The following UNC79 variants were observed in gnomAD, a reference collection of about 807,000 sequenced individuals.
UNC79 encodes protein unc-79 homolog.
In UNC79, 37 loss-of-function variants were observed where a neutral mutation model predicts 283.1. The observed-to-expected ratio is 0.13, with a 90% CI of 0.10 to 0.17. The LOEUF (loss-of-function observed/expected upper bound fraction) is 0.17, where lower values mean the gene tolerates loss of function less well. Ranked by LOEUF, UNC79 falls within the 10% of genes least tolerant of loss-of-function variation. The pLI is 1.00. For missense variants in UNC79, 2,272 were observed against 3,211.1 expected, an observed-to-expected ratio of 0.71 and a Z score of 7.07; for synonymous variants, 1,107 against 1,200.2, an observed-to-expected ratio of 0.92 and a Z score of 1.61.
At chr14:93,429,666 A>G (rs546490694), upstream of UNC79, among the ~76,000 whole-genome samples, 4 of 152,356 alleles carry the variant, frequency 2.6e-5, no homozygotes, top group African/African-American at 9.6e-5. Flanking sequence ...ACATTGATTT[A>G]TCAGCATTAA....
At chr14:93,608,139 T>A (rs999737121) in intron 26 of UNC79, among the ~76,000 whole-genome samples, 12 of 152,162 alleles carry the variant, frequency 7.9e-5, no homozygotes, top group Admixed American at 2.0e-4. Context: ...GGATCAGAGG[T>A]GTGTGCCACA....
chr14:93,458,734 T>C (rs932265096), intron 1 of UNC79, among the ~76,000 whole-genome samples: 1 of 152,206 alleles, frequency 6.6e-6, no homozygotes, highest in African/African-American at 2.4e-5. Context: ...ATTTAAACTT[T>C]CAATTCATTT....
intron 1 of UNC79, among the ~76,000 whole-genome samples, chr14:93,340,498 T>A (rs1458807159): frequency 6.7e-6 from 1 of 149,668 alleles, no homozygotes; most frequent in East Asian, 2.0e-4. Context: ...GCCAAAACTC[T>A]GTGATTAGTA....
intron 30 of UNC79, among the ~76,000 whole-genome samples, chr14:93,624,455 T>G (rs1167814643): frequency 6.6e-6 from 1 of 151,934 alleles, no homozygotes; most frequent in Non-Finnish European, 1.5e-5. Flanking sequence ...ATGATAGAGG[T>G]CTATAGGGCT....
At chr14:93,408,912 A>G (rs187809886) in intron 1 of UNC79, among the ~76,000 whole-genome samples, 1 of 152,366 alleles carries the variant, frequency 6.6e-6, no homozygotes, top group Non-Finnish European at 1.5e-5. Context: ...ACTCTTAGCT[A>G]AATATGATAG....
chr14:93,360,607 CAG>C (rs1302136335), intron 1 of UNC79, among the ~76,000 whole-genome samples: 1 of 152,230 alleles, frequency 6.6e-6, no homozygotes, highest in East Asian at 1.9e-4. Flanking sequence ...TTCACTACCT[CAG>C]GGGTATATCA....
chr14:93,483,801 G>A (rs916468691), intron 4 of UNC79, among the ~76,000 whole-genome samples: 1 of 151,004 alleles, frequency 6.6e-6, no homozygotes, highest in Non-Finnish European at 1.5e-5. Context: ...TTGGTTTTCT[G>A]TCCTTGCGAT....
At chr14:93,702,707 C>A (rs2075618535) in intron 47 of UNC79, among the ~76,000 whole-genome samples, 2 of 152,208 alleles carry the variant, frequency 1.3e-5, no homozygotes, top group Admixed American at 1.3e-4. Context: ...ACATCAGTGT[C>A]CCCCAGTTTG....
chr14:93,622,891 T>A (rs1339272913), intron 30 of UNC79, 50 bp downstream of exon 32: 3 of 1,577,676 alleles, frequency 1.9e-6, no homozygotes, highest in African/African-American at 2.7e-5. Context: ...AGTTTGTGCA[T>A]CTTGTTTGAT....
chr14:93,596,863 G>A (rs2065121592), intron 23 of UNC79, among the ~76,000 whole-genome samples: 1 of 152,118 alleles, frequency 6.6e-6, no homozygotes, highest in African/African-American at 2.4e-5. Flanking sequence ...AGAAATACCT[G>A]GCTTCGATAG....
intron 42 of UNC79, among the ~76,000 whole-genome samples, chr14:93,685,635 G>C (rs1053822985): frequency 6.6e-6 from 1 of 152,176 alleles, no homozygotes; most frequent in Non-Finnish European, 1.5e-5. Flanking sequence ...GGGTGAGCTA[G>C]TTAAGTCTAT....
chr14:93,571,261 A>C lies in UNC79; in HGVS notation c.1756-633A>C, dbSNP rs545396448. Reference sequence around the variant, plus strand: ...TACGATCTCTAACATCAGGATTATAAACAACCTAAGTTTGTAAATTCGTGA... The same window carrying C: ...TACGATCTCTAACATCAGGATTATACACAACCTAAGTTTGTAAATTCGTGA... On this transcript the variant is annotated intron_variant, in intron 14 of 48. Coordinates refer to ENST00000555664, the Ensembl canonical transcript of UNC79. 2.5e-4 allele frequency among the ~76,000 whole-genome samples: 38 copies of C among 152,316 alleles called. No homozygotes were observed. In the South Asian group the frequency reaches 7.7e-3, roughly 31 times the overall value.
Position 93,474,281 on chromosome 14 carries a change from G to C in UNC79, c.336G>C (p.Pro112=). The C allele has an allele frequency of 6.5e-7, 1 of 1,535,950 alleles. No individual in the cohort carries two copies. Among genetic ancestry groups the C allele is most frequent in the Non-Finnish European group, 8.7e-7 (1 of 1,146,854 alleles). ...GAGATGCTCCCTCAGAACGCGGCCC[G>C]CAAAGTCGTGATGCTCAGTTGTCAG... The change falls in exon 3 of 49, where the codon CCG becomes CCC. Residue 112 remains proline, a synonymous_variant. Transcript: ENST00000555664. The surrounding 1 kb of genome is among the most constrained non-coding windows in gnomAD (Gnocchi z 4.1).
chr14:93,509,481 T>C (rs1291897956), intron 7 of UNC79, among the ~76,000 whole-genome samples: 1 of 152,112 alleles, frequency 6.6e-6, no homozygotes, highest in African/African-American at 2.4e-5. Flanking sequence ...AAAAACAAGT[T>C]AGTTACTTAC....
At chr14:93,507,613 T>C (rs1342130439) in intron 7 of UNC79, among the ~76,000 whole-genome samples, 1 of 152,220 alleles carries the variant, frequency 6.6e-6, no homozygotes, top group Non-Finnish European at 1.5e-5. Flanking sequence ...TTGATACAAG[T>C]CATTTGTCAG....
chr14:93,397,863 A>G (rs1285149370), intron 1 of UNC79, among the ~76,000 whole-genome samples: 1 of 151,016 alleles, frequency 6.6e-6, no homozygotes, highest in Non-Finnish European at 1.5e-5. Flanking sequence ...GTTTGAGACC[A>G]GCCTGGACAA....
rs976514838 is a variant in UNC79 at position 93,352,061 on chromosome 14, G to T, written c.-351+18538G>T. Among the ~76,000 whole-genome samples the T allele has an allele frequency of 2.6e-5, 4 of 152,158 alleles. 1 individual carries two copies. Among genetic ancestry groups the T allele is most frequent in the Admixed American group, 1.3e-4 (2 of 15,284 alleles). On this transcript the variant is annotated intron_variant, in intron 1 of 49. Transcript: ENST00000256339. Reference sequence around the variant, plus strand: ...TCACAATTGGATAAAATTATTTTTCGGAGTGAGAGAGCATGAAAAAGGTTG... The same window carrying T: ...TCACAATTGGATAAAATTATTTTTCTGAGTGAGAGAGCATGAAAAAGGTTG...
chr14:93,581,746 C>G (rs2141763361), intron 19 of UNC79, among the ~76,000 whole-genome samples: 1 of 152,164 alleles, frequency 6.6e-6, no homozygotes, highest in Admixed American at 6.5e-5. Flanking sequence ...CCCACCTCGG[C>G]CTCCCAAAGT....
chr14:93,578,076 T>G lies in UNC79; in HGVS notation c.2433+13T>G, dbSNP rs750884897. The G allele has an allele frequency of 2.5e-6, 4 of 1,612,008 alleles. No homozygotes were observed. Among genetic ancestry groups the G allele is most frequent in the Non-Finnish European group, 2.5e-6 (3 of 1,178,492 alleles). On this transcript the variant is annotated intron_variant, in intron 18 of 48. Transcript: ENST00000555664. ...TCTCCTGAAGCAGGTAGCTGAAGCA[T>G]GAGCTTCCTTTAGTTCAGAGGTGAA... is the stretch of plus-strand genomic sequence containing the variant.
Sources: allele counts gnomAD v4.1 joint callset (sites outside exome capture counted in the v4.1 genomes callset), GRCh38; gene constraint gnomAD v4.1.1; non-coding constraint Gnocchi (gnomAD v3.1); transcripts MANE v1.5; gene names NCBI Gene and HGNC (gene_info 2026-07-23, HGNC 2026-07-21).